The following GAB2 variants were observed in gnomAD, a reference collection of about 807,000 sequenced individuals.
GAB2 encodes GRB2 associated binding protein 2, also known as GRB2-associated-binding protein 2.
Under a neutral mutation model 65.5 loss-of-function variants are expected in GAB2, and 26 were observed. That is an observed-to-expected ratio of 0.40 (90% CI 0.29 to 0.55). The LOEUF (loss-of-function observed/expected upper bound fraction) is 0.55. Ranked by LOEUF, GAB2 falls within the 20% of genes least tolerant of loss-of-function variation. GAB2 has a pLI of 0.53. For synonymous variants in GAB2, 321 were observed against 329.6 expected (o/e 0.97, Z 0.28); for missense variants, 884 against 875.8 (o/e 1.01, Z -0.12).
intron 1 of GAB2, among the ~76,000 whole-genome samples, chr11:78,283,674 C>T (rs960464846): frequency 6.6e-6 from 1 of 151,988 alleles, no homozygotes; most frequent in Non-Finnish European, 1.5e-5. Context: ...ACTCATGGGC[C>T]TTAACTTGAT....
At chr11:78,409,076 G>T (rs1365098282) in intron 1 of GAB2, among the ~76,000 whole-genome samples, 7 of 152,144 alleles carry the variant, frequency 4.6e-5, no homozygotes, top group Non-Finnish European at 1.0e-4. Flanking sequence ...TGATGGAAAA[G>T]ATGTATCATG....
intron 1 of GAB2, among the ~76,000 whole-genome samples, chr11:78,397,352 C>T (rs148291108): frequency 2.6e-5 from 4 of 152,284 alleles, no homozygotes; most frequent in African/African-American, 7.2e-5. Flanking sequence ...GGTACCAAGG[C>T]TACAAGAACA....
chr11:78,247,032 C>T (rs1446834651), intron 3 of GAB2, among the ~76,000 whole-genome samples: 5 of 152,150 alleles, frequency 3.3e-5, no homozygotes, highest in Admixed American at 6.5e-5. Context: ...TATACTAGCT[C>T]CTTCCAGCCC....
chr11:78,416,566 T>C (rs1206181232), intron 1 of GAB2, among the ~76,000 whole-genome samples: 2 of 151,932 alleles, frequency 1.3e-5, no homozygotes, highest in Admixed American at 1.3e-4. Flanking sequence ...GCTGTGGGAG[T>C]GATCCCGGAG....
intron 1 of GAB2, among the ~76,000 whole-genome samples, chr11:78,394,376 A>G (rs1428061612): frequency 1.3e-5 from 2 of 152,168 alleles, no homozygotes; most frequent in African/African-American, 4.8e-5. Context: ...CTCCCTCCAC[A>G]GTCCACAAAA....
At chr11:78,402,105 C>G in intron 1 of GAB2, among the ~76,000 whole-genome samples, 1 of 152,326 alleles carries the variant, frequency 6.6e-6, no homozygotes, top group South Asian at 2.1e-4. Context: ...TTACTTACCT[C>G]TCCAGCTTCA....
At chr11:78,281,387 A>G (rs1393449083) in intron 1 of GAB2, among the ~76,000 whole-genome samples, 1 of 152,128 alleles carries the variant, frequency 6.6e-6, no homozygotes, top group Non-Finnish European at 1.5e-5. Flanking sequence ...CTAGGATTAC[A>G]GGCATGTGCC....
chr11:78,358,091 T>C (rs1856383547), intron 1 of GAB2, among the ~76,000 whole-genome samples: 1 of 152,000 alleles, frequency 6.6e-6, no homozygotes, highest in South Asian at 2.1e-4. Context: ...GTGGCACATA[T>C]ACACCATGGA....
At chr11:78,240,749 G>A (rs1275538127) in intron 3 of GAB2, among the ~76,000 whole-genome samples, 1 of 152,136 alleles carries the variant, frequency 6.6e-6, no homozygotes, top group Non-Finnish European at 1.5e-5. Flanking sequence ...ATCCCTTCTT[G>A]CCCAGGGTGA....
chr11:78,225,870 G>T (rs972121677), intron 4 of GAB2, among the ~76,000 whole-genome samples: 1 of 152,178 alleles, frequency 6.6e-6, no homozygotes, highest in Admixed American at 6.5e-5. Context: ...AAACCATAAA[G>T]CAAGATGCAA....
At chr11:78,252,965 CTCT>C (rs1282500651) in intron 2 of GAB2, among the ~76,000 whole-genome samples, 1 of 150,510 alleles carries the variant, frequency 6.6e-6, no homozygotes, top group Non-Finnish European at 1.5e-5. Context: ...CCTCTTAAAA[CTCT>C]TCTGTTATAC....
intron 1 of GAB2, among the ~76,000 whole-genome samples, chr11:78,346,686 TA>T (rs1591055367): frequency 2.4e-5 from 1 of 42,016 alleles, no homozygotes; most frequent in East Asian, 6.0e-4. Context: ...TATATATATA[TA>T]TATATATATA....
In GAB2 at chr11:78,226,770, G is replaced by T; in HGVS notation, c.902C>A (p.Thr301Asn). The T allele has an allele frequency of 3.1e-6, 5 of 1,614,138 alleles. No homozygotes were observed. Among genetic ancestry groups the T allele is most frequent in the Non-Finnish European group, 2.5e-6 (3 of 1,179,992 alleles). ...GAGGTCCCCGAACTCCCTGCACAGG[G>T]TGTTGCTGGGCGTCTTGAAGGTGTA... ...DVYTFKTPSN[T>N]LCREFGDLLV... Residue 301 changes from threonine to asparagine, a missense_variant, in exon 4 of 10, where the codon ACC becomes AAC. Thr to Asn is a moderately conservative substitution (Grantham distance 65). Transcript: ENST00000361507.
intron 1 of GAB2, among the ~76,000 whole-genome samples, chr11:78,290,218 T>C (rs771211608): frequency 1.4e-4 from 21 of 151,986 alleles, no homozygotes; most frequent in Admixed American, 3.9e-4. Flanking sequence ...CAAAAGACAA[T>C]GAAAGTCACT....
chr11:78,402,239 A>C (rs1476015241), intron 1 of GAB2, among the ~76,000 whole-genome samples: 2 of 151,942 alleles, frequency 1.3e-5, no homozygotes, highest in Non-Finnish European at 2.9e-5. Context: ...TCTACCTGAA[A>C]AACCTTCTTC....
intron 1 of GAB2, among the ~76,000 whole-genome samples, chr11:78,303,588 AG>A (rs1867091933): frequency 6.6e-6 from 1 of 152,172 alleles, no homozygotes; most frequent in Non-Finnish European, 1.5e-5. Context: ...TCTTGAAATC[AG>A]GTAGTGTAAG....
At chr11:78,329,899 C>A (rs1855886273) in intron 1 of GAB2, among the ~76,000 whole-genome samples, 1 of 152,184 alleles carries the variant, frequency 6.6e-6, no homozygotes, top group African/African-American at 2.4e-5. Flanking sequence ...TCACCTTTAC[C>A]AAATTTGTTT....
At chr11:78,313,462 G>A (rs1025678595) in intron 1 of GAB2, among the ~76,000 whole-genome samples, 4 of 152,138 alleles carry the variant, frequency 2.6e-5, no homozygotes, top group Non-Finnish European at 4.4e-5. Flanking sequence ...CAAATCCTGA[G>A]GCTAAGGAAT....
intron 1 of GAB2, among the ~76,000 whole-genome samples, chr11:78,386,406 C>T (rs900417851): frequency 3.9e-5 from 6 of 152,230 alleles, no homozygotes; most frequent in African/African-American, 1.4e-4. Flanking sequence ...TCTGTCAACA[C>T]AGACAACACA....
Sources: gnomAD v4.1 joint callset for allele counts (sites outside exome capture counted in the v4.1 genomes callset) on GRCh38, gnomAD v4.1.1 for gene constraint, MANE v1.5 for transcripts, NCBI Gene and HGNC (gene_info 2026-07-23, HGNC 2026-07-21) for gene names.